The following EVA1A variants were observed in gnomAD, a reference collection of about 807,000 sequenced individuals.
EVA1A encodes protein eva-1 homolog A.
Under a neutral mutation model 9.8 loss-of-function variants are expected in EVA1A, and 7 were observed. That is an observed-to-expected ratio of 0.71 (90% CI 0.41 to 1.34). The LOEUF is 1.34. EVA1A is among the 40% of genes most tolerant of loss of function. The probability of loss-of-function intolerance (pLI) is 0.01; values close to 1 mark genes in which losing one functional copy is unlikely to be tolerated. For synonymous variants in EVA1A, 90 were observed against 85.6 expected (o/e 1.05, Z -0.28); for missense variants, 206 against 205.9 (o/e 1.00, Z 0.00).
chr2:75,502,958 C>A (rs1674481267), intron 3 of EVA1A, among the ~76,000 whole-genome samples: 1 of 152,178 alleles, frequency 6.6e-6, no homozygotes, highest in African/African-American at 2.4e-5. Context: ...ATTACATAGG[C>A]CTAACTTCAA....
chr2:75,513,561 G>C (rs1041516500), intron 3 of EVA1A, among the ~76,000 whole-genome samples: 1 of 152,140 alleles, frequency 6.6e-6, no homozygotes, highest in Non-Finnish European at 1.5e-5. Flanking sequence ...AGTGAAATCA[G>C]TATCTTTAGA....
intron 1 of EVA1A, among the ~76,000 whole-genome samples, chr2:75,559,697 T>TGGGGGGGGGGGGGGGGGGGGGG (rs36059976): frequency 2.5e-5 from 2 of 78,774 alleles, no homozygotes; most frequent in African/African-American, 5.9e-5. Context: ...AGAAAGGAGG[T>TGGGGGGGGGGGGGGGGGGGGGG]GGGGGGGGGG....
intron 1 of EVA1A, among the ~76,000 whole-genome samples, chr2:75,526,697 A>C (rs1433392595): frequency 6.6e-6 from 1 of 152,280 alleles, no homozygotes; most frequent in Non-Finnish European, 1.5e-5. Context: ...CATCTTTAGC[A>C]CAGGAGCAAA....
At chr2:75,559,703 G>GT (rs1553422532) in intron 1 of EVA1A, among the ~76,000 whole-genome samples, 6 of 135,562 alleles carry the variant, frequency 4.4e-5, no homozygotes, top group African/African-American at 8.1e-5. Flanking sequence ...GAGGTGGGGG[G>GT]GGGGCGGGGG....
chr2:75,516,405 C>T (rs1216169902), intron 3 of EVA1A, among the ~76,000 whole-genome samples: 1 of 152,154 alleles, frequency 6.6e-6, no homozygotes, highest in Non-Finnish European at 1.5e-5. Context: ...TCAGCCCGTA[C>T]TTACTTAAAG....
At chr2:75,525,146 G>A (rs1675381816) in intron 1 of EVA1A, among the ~76,000 whole-genome samples, 1 of 151,948 alleles carries the variant, frequency 6.6e-6, no homozygotes, top group East Asian at 1.9e-4. Context: ...ATATATGTAT[G>A]TGTACATGAA....
At chr2:75,550,178 A>G (rs1676472273) in intron 1 of EVA1A, among the ~76,000 whole-genome samples, 1 of 152,212 alleles carries the variant, frequency 6.6e-6, no homozygotes, top group Non-Finnish European at 1.5e-5. Flanking sequence ...TCCATTATTA[A>G]GAACTTTAAA....
In EVA1A at chr2:75,493,161, T is replaced by C. The variant is rs1674086081; in HGVS notation, c.*75A>G. On this transcript the variant is annotated 3_prime_UTR_variant, in exon 4 of 4. Transcript: ENST00000393913. Reference sequence around the variant, plus strand: ...CAATATTAGCAGAGCTGGGTTCAGTTCCTTGTGCCCACTGTCCCTGCAGAC... The same window carrying C: ...CAATATTAGCAGAGCTGGGTTCAGTCCCTTGTGCCCACTGTCCCTGCAGAC... The C allele has an allele frequency of 4.6e-6, 7 of 1,524,400 alleles. No individual in the cohort carries two copies. The highest frequency in any genetic ancestry group is 3.5e-6 in the Non-Finnish European group (4 of 1,135,372). 94.4% of individuals were successfully genotyped at this position (1,524,400 alleles called of 1,614,324 possible).
At chr2:75,521,970 A>G (rs557392765) in intron 2 of EVA1A, among the ~76,000 whole-genome samples, 1 of 152,330 alleles carries the variant, frequency 6.6e-6, no homozygotes, top group East Asian at 1.9e-4. Flanking sequence ...TTTTAGCGGT[A>G]TTAAATTTGA....
At chr2:75,566,976 C>T (rs1454710514) in intron 1 of EVA1A, among the ~76,000 whole-genome samples, 16 of 152,128 alleles carry the variant, frequency 1.1e-4, no homozygotes, top group Admixed American at 1.0e-3. Context: ...ACACAACACT[C>T]TCTTTCTAAC....
upstream of EVA1A, among the ~76,000 whole-genome samples, chr2:75,561,963 A>G (rs1676934607): frequency 6.6e-6 from 1 of 152,198 alleles, no homozygotes; most frequent in South Asian, 2.1e-4. Context: ...GCCAGTGACC[A>G]CGTGGATGAC....
chr2:75,522,039 T>C (rs1306148067), intron 2 of EVA1A, among the ~76,000 whole-genome samples: 1 of 152,184 alleles, frequency 6.6e-6, no homozygotes, highest in East Asian at 1.9e-4. Context: ...AAGTAAGAGA[T>C]GTTATTGCAT....
At chr2:75,544,248 G>A (rs1049619787) in intron 1 of EVA1A, among the ~76,000 whole-genome samples, 4 of 152,136 alleles carry the variant, frequency 2.6e-5, no homozygotes, top group Admixed American at 6.5e-5. Context: ...CATCACCCTG[G>A]CCCCCTAGCG....
At chr2:75,517,080 T>C (rs1051953775) in intron 3 of EVA1A, among the ~76,000 whole-genome samples, 2 of 152,014 alleles carry the variant, frequency 1.3e-5, no homozygotes, top group African/African-American at 4.8e-5. Context: ...CCTTTTTTTT[T>C]CTGAAATCAG....
At position 75,518,191 on chromosome 2, in the gene EVA1A, C is replaced by T. The variant is rs1185266907; in HGVS notation, c.-51G>A. 6.2e-7 allele frequency: 1 copy of T among 1,601,888 alleles called. No homozygotes were observed. Among genetic ancestry groups the T allele is most frequent in the Non-Finnish European group, 8.5e-7 (1 of 1,175,466 alleles). On this transcript the variant is annotated 5_prime_UTR_variant, in exon 3 of 4. Coordinates refer to ENST00000393913, the MANE Select transcript of EVA1A (RefSeq NM_001135032.2). ...AGGTGCTTGGCTGAATCAACGTGGC[C>T]ACTCTCCTTCTTCTCTTCTGTTTGG...
At position 75,518,142 on chromosome 2, in the gene EVA1A, G is replaced by A. The variant is rs759153258; in HGVS notation, c.-2C>T. 6.8e-6 allele frequency: 11 copies of A among 1,613,814 alleles called. No homozygotes were observed. Among genetic ancestry groups the A allele is most frequent in the South Asian group, 1.1e-5 (1 of 91,056 alleles). On this transcript the variant is annotated 5_prime_UTR_variant, in exon 3 of 4. Coordinates refer to ENST00000393913, the MANE Select transcript of EVA1A (RefSeq NM_001135032.2). ...GCTGTGGCTGAGGGGCAGCCTCATG[G>A]GACATCCAGAGGGGACCTCCTGGAG...
rs71403226 is a variant in EVA1A, at chr2:75,548,983, A to AATATAT, written c.-192+11691_-192+11696dup. Among the ~76,000 whole-genome samples the AATATAT allele has an allele frequency of 1.8e-4, 24 of 133,684 alleles. 1 individual carries two copies. The South Asian group carries it at 3.2e-3, about 18-fold the overall frequency. 87.7% of individuals were successfully genotyped at this position (133,684 alleles called of 152,430 possible). ...TGAACTGATGACTGGCTAAATGAAA[A>AATATAT]ATATATATATATATATATATATATA... On this transcript the variant is annotated intron_variant, in intron 1 of 3. Transcript: ENST00000393913.
intron 1 of EVA1A, among the ~76,000 whole-genome samples, chr2:75,532,849 A>G (rs1193735869): frequency 2.0e-5 from 3 of 152,222 alleles, no homozygotes; most frequent in African/African-American, 4.8e-5. Flanking sequence ...TTTGAAAACT[A>G]AAGACTAAAT....
chr2:75,543,650 G>A (rs1352977671), intron 1 of EVA1A, among the ~76,000 whole-genome samples: 1 of 152,286 alleles, frequency 6.6e-6, no homozygotes, highest in Admixed American at 6.5e-5. Context: ...TGGGACCTGT[G>A]TGGCTTCTTG....
Sources: allele counts gnomAD v4.1 joint callset (sites outside exome capture counted in the v4.1 genomes callset), GRCh38; gene constraint gnomAD v4.1.1; transcripts MANE v1.5; gene names NCBI Gene and HGNC (gene_info 2026-07-23, HGNC 2026-07-21).